Variants in TUSC3 observed in about 807,000 individuals in gnomAD.
TUSC3 encodes tumor suppressor candidate 3, also known as dolichyl-diphosphooligosaccharide--protein glycosyltransferase subunit TUSC3.
Under a neutral mutation model 44.8 loss-of-function variants are expected in TUSC3, and 45 were observed. That is an observed-to-expected ratio of 1.00 (90% CI 0.79 to 1.29). The LOEUF is 1.29. Among genes scored for constraint, TUSC3 ranks in the 50% most tolerant of loss-of-function variants. TUSC3 has a pLI of 0.00. For missense variants in TUSC3, 519 were observed against 437.9 expected, an observed-to-expected ratio of 1.19 and a Z score of -1.65; for synonymous variants, 212 against 152.9, an observed-to-expected ratio of 1.39 and a Z score of -2.85.
intron 1 of TUSC3, among the ~76,000 whole-genome samples, chr8:15,471,251 G>T (rs185691560): frequency 1.3e-5 from 2 of 152,180 alleles, no homozygotes; most frequent in East Asian, 3.9e-4. Flanking sequence ...GTTTATTTCA[G>T]TGTTTAGTAG....
chr8:15,587,555 C>G (rs973114342), intron 1 of TUSC3, among the ~76,000 whole-genome samples: 2 of 152,238 alleles, frequency 1.3e-5, no homozygotes, highest in African/African-American at 4.8e-5. Context: ...AAATATTTAT[C>G]ATGTCTTTGT....
At position 15,523,650 on chromosome 8, in the gene TUSC3, ATATATATATATATATG is replaced by A. The variant is rs1220491333; in HGVS notation, n.189+40169_189+40184del. Among the ~76,000 whole-genome samples the A allele has an allele frequency of 8.4e-3, 372 of 44,076 alleles. 1 individual carries two copies. Among genetic ancestry groups the A allele is most frequent in the East Asian group, 0.028 (72 of 2,608 alleles). The allele number at this position is 44,076 out of a possible 152,430, so 28.9% of individuals were successfully genotyped here. Reference sequence around the variant, plus strand: ...AAATCCTTTAAAAACATATATATATATATATATATATATATGTGTGTGTGTGTGTGTGTGTGTGTGT... The same window carrying A: ...AAATCCTTTAAAAACATATATATATATGTGTGTGTGTGTGTGTGTGTGTGT... On this transcript the variant is annotated intron_variant and non_coding_transcript_variant, in intron 2 of 5. Transcript: ENST00000503191.
chr8:15,550,928 T>A (rs930777346), intron 1 of TUSC3, among the ~76,000 whole-genome samples: 8 of 151,750 alleles, frequency 5.3e-5, no homozygotes, highest in African/African-American at 1.9e-4. Context: ...CGCCTCGGCC[T>A]CCCAAGTGCT....
At chr8:15,453,951 A>G (rs1043074801) in intron 1 of TUSC3, among the ~76,000 whole-genome samples, 1 of 152,194 alleles carries the variant, frequency 6.6e-6, no homozygotes, top group African/African-American at 2.4e-5. Context: ...AGTGGGCTCA[A>G]GCATGTACAC....
intron 2 of TUSC3, among the ~76,000 whole-genome samples, chr8:15,643,388 C>T (rs1806472797): frequency 6.7e-6 from 1 of 149,938 alleles, no homozygotes; most frequent in Admixed American, 6.7e-5. Flanking sequence ...CACATTTAAG[C>T]ATTAATATGT....
chr8:15,542,195 C>G (rs188851515), intron 1 of TUSC3, among the ~76,000 whole-genome samples: 2 of 151,868 alleles, frequency 1.3e-5, no homozygotes, highest in Non-Finnish European at 2.9e-5. Context: ...GGAGGGGCAT[C>G]CAGGTCATAG....
chr8:15,617,918 C>T (rs1010360834), intron 1 of TUSC3, among the ~76,000 whole-genome samples: 5 of 152,198 alleles, frequency 3.3e-5, no homozygotes, highest in Admixed American at 6.5e-5. Flanking sequence ...GTCTACTACA[C>T]ACCCAGGCTG....
chr8:15,642,843 G>A (rs562456633), intron 2 of TUSC3, among the ~76,000 whole-genome samples: 12 of 152,204 alleles, frequency 7.9e-5, no homozygotes, highest in African/African-American at 2.6e-4. Flanking sequence ...TGAGGCAGTG[G>A]CCTGTATGTC....
chr8:15,778,880 C>T, the TUSC3 span, among the ~76,000 whole-genome samples: 1 of 152,158 alleles, frequency 6.6e-6, no homozygotes, highest in Non-Finnish European at 1.5e-5. Flanking sequence ...ACAATGACTA[C>T]AGATGAGGCA....
the TUSC3 span, among the ~76,000 whole-genome samples, chr8:15,789,954 A>G: frequency 6.6e-6 from 1 of 152,104 alleles, no homozygotes; most frequent in African/African-American, 2.4e-5. Flanking sequence ...GGTGGTAGAC[A>G]GCAATGTTTA....
intron 3 of TUSC3, among the ~76,000 whole-genome samples, chr8:15,658,851 G>A (rs34502303): frequency 0.24 from 36,358 of 151,906 alleles, 5,486 homozygotes; most frequent in Non-Finnish European, 0.33. Flanking sequence ...GAAATTACCT[G>A]TAGAAAATAT....
rs374671444 is a variant in TUSC3, at chr8:15,751,964, A to C, written c.1028+3499A>C. On this transcript the variant is annotated intron_variant, in intron 9 of 10. Coordinates refer to ENST00000503731, the MANE Select transcript of TUSC3 (RefSeq NM_006765.4). ...ATAAAGGATTTCACAATTGCCTCTC[A>C]GTTTTAAATTTGAGTTGTTAAATGC... 1.6e-4 allele frequency among the ~76,000 whole-genome samples: 25 copies of C among 152,278 alleles called. No individual in the cohort carries two copies. The East Asian group carries it at 3.7e-3, about 22-fold the overall frequency.
chr8:15,419,304 A>C (rs1799695317), intron 1 of TUSC3, among the ~76,000 whole-genome samples: 1 of 152,254 alleles, frequency 6.6e-6, no homozygotes, highest in African/African-American at 2.4e-5. Flanking sequence ...GGTGACAGGA[A>C]AGAATGAGCT....
chr8:15,686,940 C>T (rs894935306), intron 6 of TUSC3, among the ~76,000 whole-genome samples: 9 of 151,960 alleles, frequency 5.9e-5, no homozygotes, highest in South Asian at 4.2e-4. Context: ...TGGTGGCAGG[C>T]GCCTGTAGTC....
intron 1 of TUSC3, among the ~76,000 whole-genome samples, chr8:15,600,677 GA>G (rs1390647408): frequency 2.6e-5 from 4 of 151,484 alleles, no homozygotes; most frequent in Non-Finnish European, 5.9e-5. Context: ...TACAAAGTAT[GA>G]GGTACTGTTT....
intron 1 of TUSC3, among the ~76,000 whole-genome samples, chr8:15,610,329 C>T (rs1312125029): frequency 6.6e-6 from 1 of 152,110 alleles, no homozygotes; most frequent in African/African-American, 2.4e-5. Context: ...ATAGCAACAT[C>T]TAACATTAGA....
intron 2 of TUSC3, among the ~76,000 whole-genome samples, chr8:15,639,582 T>C (rs914202814): frequency 2.6e-5 from 4 of 152,208 alleles, no homozygotes; most frequent in African/African-American, 9.6e-5. Flanking sequence ...GATAAAACTT[T>C]CTGCATTTTT....
the TUSC3 span, among the ~76,000 whole-genome samples, chr8:15,837,763 C>G: frequency 2.0e-5 from 3 of 152,146 alleles, no homozygotes; most frequent in Non-Finnish European, 4.4e-5. Flanking sequence ...TAACTTTTGT[C>G]TGGCCTGTAA....
At chr8:15,722,150 GT>G (rs1810326383) in intron 6 of TUSC3, among the ~76,000 whole-genome samples, 1 of 151,710 alleles carries the variant, frequency 6.6e-6, no homozygotes, top group African/African-American at 2.4e-5. Context: ...TGCAGTCTAT[GT>G]TTTTGTTGGC....
Sources: gnomAD v4.1 joint callset for allele counts (sites outside exome capture counted in the v4.1 genomes callset) on GRCh38, gnomAD v4.1.1 for gene constraint, MANE v1.5 for transcripts, NCBI Gene and HGNC (gene_info 2026-07-23, HGNC 2026-07-21) for gene names.